Variants in PSKH2 observed in about 807,000 individuals in gnomAD.
The protein encoded by PSKH2 is protein serine kinase H2, also known as serine/threonine-protein kinase H2.
Under a neutral mutation model 22.5 loss-of-function variants are expected in PSKH2, and 16 were observed. That is an observed-to-expected ratio of 0.71 (90% CI 0.48 to 1.08). The LOEUF (loss-of-function observed/expected upper bound fraction) is 1.08, where lower values mean the gene tolerates loss of function less well. Ranked by LOEUF, PSKH2 falls within the 50% of genes least tolerant of loss-of-function variation. The pLI is 0.00. For missense variants in PSKH2, 516 were observed against 492.8 expected (o/e 1.05, Z -0.44); for synonymous variants, 188 against 184.8 (o/e 1.02, Z -0.14).
rs533174009 is a variant in PSKH2 at position 86,053,914 on chromosome 8, G to C, written c.853-5147C>G. ...TAGCTTAGCATGGTGACACGCAGCG[G>C]TAGTCCCAGCTTCTCTGGAGGCTGA... On this transcript the variant is annotated intron_variant, in intron 2 of 2. Transcript: ENST00000276616. 3.9e-5 allele frequency among the ~76,000 whole-genome samples: 6 copies of C among 152,234 alleles called. No individual in the cohort carries two copies. The South Asian group carries it at 8.3e-4, about 21-fold the overall frequency.
chr8:86,068,405 G>C (rs946249285), intron 1 of PSKH2, among the ~76,000 whole-genome samples: 4 of 152,282 alleles, frequency 2.6e-5, no homozygotes, highest in South Asian at 2.1e-4. Flanking sequence ...ACACTCAGGA[G>C]GCCAACCAAC....
upstream of PSKH2, chr8:86,069,742 G>T: frequency 2.5e-6 from 3 of 1,183,476 alleles, no homozygotes; most frequent in South Asian, 3.6e-5. Context: ...AAACCCCACT[G>T]GGGGGTCGTG....
intron 1 of PSKH2, among the ~76,000 whole-genome samples, chr8:86,066,174 A>C (rs1817854517): frequency 6.6e-6 from 1 of 150,884 alleles, no homozygotes; most frequent in Non-Finnish European, 1.5e-5. Context: ...TTTACGTTGT[A>C]GAGTCAGGAT....
intron 2 of PSKH2, among the ~76,000 whole-genome samples, chr8:86,060,221 A>T (rs891711288): frequency 1.3e-5 from 2 of 152,038 alleles, no homozygotes; most frequent in African/African-American, 4.8e-5. Flanking sequence ...TCTGTACAGT[A>T]TGAAAACTTC....
chr8:86,049,723 AAAGAAAGAAAGAAAGAAAGAAAGAAACG>A (rs1202971148), intron 2 of PSKH2, among the ~76,000 whole-genome samples: 3 of 68,806 alleles, frequency 4.4e-5, no homozygotes, highest in African/African-American at 1.6e-4. Flanking sequence ...AGAAAGAAAG[AAAGAAAGAAAGAAAGAAAGAAAGAAACG>A]AAAGAAAGAA....
At chr8:86,049,743 A>G (rs867469280) in intron 2 of PSKH2, among the ~76,000 whole-genome samples, 204 of 12,130 alleles carry the variant, frequency 0.017, 21 homozygotes, top group African/African-American at 0.063. Flanking sequence ...AGAAAGAAAG[A>G]AAGAAACGAA....
intron 1 of PSKH2, among the ~76,000 whole-genome samples, chr8:86,066,892 G>T (rs1817869781): frequency 6.6e-6 from 1 of 152,038 alleles, no homozygotes; most frequent in Non-Finnish European, 1.5e-5. Context: ...CTATTCACAT[G>T]CATTCTCAGT....
intron 1 of PSKH2, among the ~76,000 whole-genome samples, chr8:86,067,470 A>G (rs1390124478): frequency 1.3e-5 from 2 of 151,378 alleles, no homozygotes; most frequent in African/African-American, 4.8e-5. Context: ...GATCACATCA[A>G]GCTGGGAAGA....
At position 86,069,522 on chromosome 8, in the gene PSKH2, G is replaced by C. The variant is rs2130177505; in HGVS notation, c.101C>G (p.Pro34Arg). The change falls in exon 1 of 3, where the codon CCT becomes CGT. Residue 34 changes from proline (P) to arginine (R), a missense_variant. Pro to Arg is a moderately radical substitution (Grantham distance 103). Transcript: ENST00000276616. ...CGCCTGGGCCGCCGCCTCGGGCCCA[G>C]GCCCCGCGCCTCCGACGCCGGCTTG... The part of the protein sequence containing the change: ...QNQAGVGGAG[P>R]GPEAAAQAAQ... 1 of 1,608,902 alleles carries C rather than the reference G, an allele frequency of 6.2e-7. No homozygotes were observed. Among genetic ancestry groups the C allele is most frequent in the Non-Finnish European group, 8.5e-7 (1 of 1,178,450 alleles).
intron 2 of PSKH2, among the ~76,000 whole-genome samples, chr8:86,053,365 C>T (rs1817659572): frequency 6.6e-6 from 1 of 152,026 alleles, no homozygotes; most frequent in South Asian, 2.1e-4. Context: ...AGTCAGACCC[C>T]ACTTCCCTCT....
In PSKH2 at chr8:86,048,580, T is replaced by C. The variant is rs770270533; in HGVS notation, c.1040A>G (p.His347Arg). Residue 347 changes from histidine to arginine, a missense_variant, in exon 3 of 3, where the codon CAC becomes CGC. Physicochemically the swap from His to Arg is conservative, Grantham distance 29. Coordinates refer to ENST00000276616, the MANE Select transcript of PSKH2 (RefSeq NM_033126.3). ...SRNLMQRASP[H>R]SQSPGSAQSS... Reference sequence around the variant, plus strand: ...CTGTGCAGATCCAGGACTCTGAGAGTGGGGAGAGGCCCTCTGCATGAGGTT... The same window carrying C: ...CTGTGCAGATCCAGGACTCTGAGAGCGGGGAGAGGCCCTCTGCATGAGGTT... The C allele has an allele frequency of 2.5e-6, 4 of 1,613,798 alleles. No individual in the cohort carries two copies. The highest frequency in any genetic ancestry group is 2.2e-5 in the South Asian group (2 of 91,074).
intron 1 of PSKH2, among the ~76,000 whole-genome samples, chr8:86,066,787 A>G (rs957382721): frequency 2.0e-5 from 3 of 152,258 alleles, no homozygotes; most frequent in South Asian, 4.1e-4. Flanking sequence ...TCCACAGAGC[A>G]TTTAATTTTC....
chr8:86,060,498 A>T (rs1210282638), intron 2 of PSKH2, among the ~76,000 whole-genome samples: 1 of 152,162 alleles, frequency 6.6e-6, no homozygotes, highest in Non-Finnish European at 1.5e-5. Flanking sequence ...ATGATGATAT[A>T]CTTTTCTGAG....
chr8:86,054,503 C>A (rs1817675072), intron 2 of PSKH2, among the ~76,000 whole-genome samples: 1 of 152,116 alleles, frequency 6.6e-6, no homozygotes, highest in African/African-American at 2.4e-5. Context: ...AATTATTCTT[C>A]CACATCTCAG....
At position 86,069,624 on chromosome 8, in the gene PSKH2, C is replaced by T. The variant is rs1194751822; in HGVS notation, c.-2G>A. ...CTTCCTGCTGGCGCCGCACCCCATACCCGCAACACGCCCGCCGCTCGCGGG... is the reference window on the plus strand; with the variant it reads ...CTTCCTGCTGGCGCCGCACCCCATATCCGCAACACGCCCGCCGCTCGCGGG... On this transcript the variant is annotated 5_prime_UTR_variant, in exon 1 of 3. Transcript: ENST00000276616. 1 of 1,556,740 alleles carries T rather than the reference C, an allele frequency of 6.4e-7. No individual in the cohort carries two copies. Among genetic ancestry groups the T allele is most frequent in the Non-Finnish European group, 8.6e-7 (1 of 1,156,356 alleles).
chr8:86,060,760 A>G (rs541932422), intron 2 of PSKH2, among the ~76,000 whole-genome samples: 35 of 152,256 alleles, frequency 2.3e-4, no homozygotes, highest in African/African-American at 8.2e-4. Flanking sequence ...AGATAATATA[A>G]ATCTAGTACT....
Position 86,064,631 on chromosome 8 carries a change from T to C in PSKH2, c.186A>G (p.Arg62=). 1 of 1,605,288 alleles carries C rather than the reference T, an allele frequency of 6.2e-7. No homozygotes were observed. Among genetic ancestry groups the C allele is most frequent in the Non-Finnish European group, 8.5e-7 (1 of 1,176,816 alleles). Residue 62 remains arginine, a splice_region_variant and synonymous_variant, in exon 2 of 3, where the codon AGA becomes AGG. Transcript: ENST00000276616. ...RAKFDPRVLA[R]YDIKALIGTG... is the part of the protein sequence containing the mutation. ...TCCCAATAAGAGCTTTGATGTCATA[T>C]CTGTTGGGAAGAAAAACCAAACATG... is the stretch of plus-strand genomic sequence containing the variant.
chr8:86,068,503 C>T (rs1246644355), intron 1 of PSKH2, among the ~76,000 whole-genome samples: 2 of 152,180 alleles, frequency 1.3e-5, no homozygotes, highest in East Asian at 3.8e-4. Context: ...GGACTGGTAC[C>T]ATGCACTGTG....
intron 2 of PSKH2, among the ~76,000 whole-genome samples, chr8:86,058,901 C>T (rs1249412536): frequency 6.6e-6 from 1 of 151,888 alleles, no homozygotes; most frequent in African/African-American, 2.4e-5. Flanking sequence ...AGGTATACCA[C>T]ATAAATCTCT....
Sources: gnomAD v4.1 joint callset for allele counts (sites outside exome capture counted in the v4.1 genomes callset) on GRCh38, gnomAD v4.1.1 for gene constraint, MANE v1.5 for transcripts, NCBI Gene and HGNC (gene_info 2026-07-23, HGNC 2026-07-21) for gene names.